Variants in FREM3 observed in about 807,000 individuals in gnomAD.
FREM3 encodes FRAS1 related extracellular matrix 3.
FREM3 carries 105 observed loss-of-function variants against 129.1 expected under a neutral mutation model. That is an observed-to-expected ratio of 0.81 (90% CI 0.69 to 0.96). FREM3 has a LOEUF of 0.96. FREM3 is among the 40% of genes least tolerant of loss of function. The pLI is 0.00. For missense variants in FREM3, 2,593 were observed against 2,666.3 expected, an observed-to-expected ratio of 0.97 and a Z score of 0.61; for synonymous variants, 1,014 against 1,044.9, an observed-to-expected ratio of 0.97 and a Z score of 0.57.
intron 5 of FREM3, among the ~76,000 whole-genome samples, chr4:143,615,024 GTATT>G (rs1343298171): frequency 1.3e-5 from 2 of 152,148 alleles, no homozygotes; most frequent in Non-Finnish European, 2.9e-5. Flanking sequence ...TTACAAAAGA[GTATT>G]TATGGCTCAG....
At chr4:143,591,615 T>C (rs1488363890) in intron 6 of FREM3, among the ~76,000 whole-genome samples, 1 of 152,208 alleles carries the variant, frequency 6.6e-6, no homozygotes, top group Non-Finnish European at 1.5e-5. Flanking sequence ...CAGTTTGTTA[T>C]AATTTCTGTT....
intron 2 of FREM3, among the ~76,000 whole-genome samples, chr4:143,655,047 G>T (rs1578852936): frequency 6.6e-6 from 1 of 152,146 alleles, no homozygotes; most frequent in East Asian, 1.9e-4. Flanking sequence ...GCCCAGGCAG[G>T]TAAGTGAGGA....
At chr4:143,691,462 T>C (rs1740469191) in intron 2 of FREM3, among the ~76,000 whole-genome samples, 1 of 152,154 alleles carries the variant, frequency 6.6e-6, no homozygotes, top group African/African-American at 2.4e-5. Context: ...TTGATTCTAT[T>C]CCAGTAAGGA....
At chr4:143,621,189 A>G in intron 4 of FREM3, 27 bp from the exon 5 acceptor site, 2 of 1,535,512 alleles carry the variant, frequency 1.3e-6, no homozygotes, top group Non-Finnish European at 1.7e-6. Flanking sequence ...AAGACTTTTC[A>G]CCAAGATTTA....
intron 2 of FREM3, among the ~76,000 whole-genome samples, chr4:143,669,331 G>A (rs952249280): frequency 6.6e-6 from 1 of 152,110 alleles, no homozygotes; most frequent in African/African-American, 2.4e-5. Flanking sequence ...TTAGAGAGAG[G>A]GTCTAGCTCT....
At chr4:143,676,188 C>G (rs550576351) in intron 2 of FREM3, among the ~76,000 whole-genome samples, 15 of 152,132 alleles carry the variant, frequency 9.9e-5, no homozygotes, top group African/African-American at 3.4e-4. Flanking sequence ...AAAAGCTTAT[C>G]CACCATGATC....
chr4:143,682,343 G>C (rs1740268373), intron 2 of FREM3, among the ~76,000 whole-genome samples: 1 of 152,170 alleles, frequency 6.6e-6, no homozygotes, highest in Non-Finnish European at 1.5e-5. Context: ...ATCATAATGA[G>C]TGCGGTTGAG....
chr4:143,626,791 T>G (rs536494854), intron 3 of FREM3, among the ~76,000 whole-genome samples: 2 of 152,276 alleles, frequency 1.3e-5, no homozygotes, highest in South Asian at 4.1e-4. Flanking sequence ...TGATTGCTTG[T>G]TTTCTCTCCA....
intron 2 of FREM3, among the ~76,000 whole-genome samples, chr4:143,661,060 A>G (rs1440059291): frequency 6.6e-6 from 1 of 152,112 alleles, no homozygotes; most frequent in Non-Finnish European, 1.5e-5. Flanking sequence ...TCTTTTCCTA[A>G]TTGAATACCC....
At chr4:143,593,629 G>T (rs1738409422) in intron 6 of FREM3, among the ~76,000 whole-genome samples, 1 of 152,198 alleles carries the variant, frequency 6.6e-6, no homozygotes, top group Non-Finnish European at 1.5e-5. Flanking sequence ...GCTGTGTGAG[G>T]TGTCAGTCCA....
rs544409492 is a variant in FREM3, at chr4:143,584,921, T to C, written c.6178+923A>G. 2.6e-5 allele frequency among the ~76,000 whole-genome samples: 4 copies of C among 152,216 alleles called. No individual in the cohort carries two copies. The East Asian group carries it at 5.8e-4, about 22-fold the overall frequency. ...ATTCAAAAAATTCAGAAGTATACCA[T>C]CCACACTCTCAGATTATATAACAAT... is the stretch of plus-strand genomic sequence containing the variant. On this transcript the variant is annotated intron_variant, in intron 7 of 7. Transcript: ENST00000329798.
chr4:143,618,258 A>G (rs1016988851), intron 5 of FREM3, among the ~76,000 whole-genome samples: 18 of 151,908 alleles, frequency 1.2e-4, no homozygotes, highest in African/African-American at 2.7e-4. Context: ...ATGTAATCCA[A>G]CTTCCCACAT....
intron 2 of FREM3, among the ~76,000 whole-genome samples, chr4:143,662,794 T>G (rs970057502): frequency 1.7e-4 from 26 of 152,142 alleles, no homozygotes; most frequent in Middle Eastern, 3.4e-3. Flanking sequence ...ATATTTAGGA[T>G]AGTTAGCTCT....
At chr4:143,648,666 G>A (rs1248626952) in intron 2 of FREM3, among the ~76,000 whole-genome samples, 1 of 152,200 alleles carries the variant, frequency 6.6e-6, no homozygotes, top group African/African-American at 2.4e-5. Context: ...CCATTCTGCT[G>A]TGATTTGTTT....
At chr4:143,614,479 A>G (rs1738811817) in intron 5 of FREM3, among the ~76,000 whole-genome samples, 1 of 152,216 alleles carries the variant, frequency 6.6e-6, no homozygotes, top group Non-Finnish European at 1.5e-5. Flanking sequence ...GGCTTCAAGG[A>G]GTATAAATTT....
At chr4:143,624,468 C>T in intron 3 of FREM3, 130 bp from the exon 4 acceptor site, 1 of 620,254 alleles carries the variant, frequency 1.6e-6, no homozygotes, top group South Asian at 2.0e-5. Flanking sequence ...TCCCAAAAGA[C>T]ACTTGTAAAT....
In FREM3 at chr4:143,698,546, TGTA is replaced by T; in HGVS notation, c.2127_2129del (p.Thr710del). The T allele has an allele frequency of 6.5e-7, 1 of 1,537,670 alleles. No homozygotes were observed. The highest frequency in any genetic ancestry group is 8.7e-7 in the Non-Finnish European group (1 of 1,147,010). On this transcript the variant is annotated inframe_deletion, in exon 1 of 8. Coordinates refer to ENST00000329798, the MANE Select transcript of FREM3 (RefSeq NM_001168235.2). ...GGTATTCTTGTACAGTCATTTCTAG[TGTA>T]GTTCCTGGATACAGCTGTGGACTCA...
At chr4:143,632,869 C>T (rs1739163961) in intron 2 of FREM3, among the ~76,000 whole-genome samples, 1 of 152,122 alleles carries the variant, frequency 6.6e-6, no homozygotes, top group Non-Finnish European at 1.5e-5. Flanking sequence ...TTGTGTTGAA[C>T]CACATTCAAA....
chr4:143,622,968 C>A (rs1028442041), intron 4 of FREM3, among the ~76,000 whole-genome samples: 1 of 152,142 alleles, frequency 6.6e-6, no homozygotes, highest in African/African-American at 2.4e-5. Context: ...TTGTTCTCAA[C>A]AAAACTGGTC....
Sources: gnomAD v4.1 joint callset for allele counts (sites outside exome capture counted in the v4.1 genomes callset) on GRCh38, gnomAD v4.1.1 for gene constraint, MANE v1.5 for transcripts, NCBI Gene and HGNC (gene_info 2026-07-23, HGNC 2026-07-21) for gene names.